Variants in BTC observed in about 807,000 individuals in gnomAD.
The protein encoded by BTC is probetacellulin.
Under a neutral mutation model 18.1 loss-of-function variants are expected in BTC, and 13 were observed. The observed-to-expected ratio is 0.72, with a 90% confidence interval of 0.47 to 1.14. The LOEUF (loss-of-function observed/expected upper bound fraction) is 1.14, where lower values mean the gene tolerates loss of function less well. BTC is among the 50% of genes most tolerant of loss of function. BTC has a pLI of 0.00. For missense variants in BTC, 247 were observed against 224.2 expected (o/e 1.10, Z -0.65); for synonymous variants, 83 against 79.4 (o/e 1.05, Z -0.24).
At chr4:74,779,828 C>T (rs1725271543) in intron 1 of BTC, among the ~76,000 whole-genome samples, 2 of 151,998 alleles carry the variant, frequency 1.3e-5, no homozygotes. Flanking sequence ...AACTTAGCAT[C>T]GAATTTGTTA....
At chr4:74,768,510 A>G (rs1294776107) in intron 2 of BTC, among the ~76,000 whole-genome samples, 4 of 152,166 alleles carry the variant, frequency 2.6e-5, no homozygotes, top group Non-Finnish European at 5.9e-5. Flanking sequence ...TCACAGAAAG[A>G]CAAATATAAT....
intron 2 of BTC, among the ~76,000 whole-genome samples, chr4:74,769,449 G>A (rs2109899260): frequency 6.6e-6 from 1 of 152,206 alleles, no homozygotes; most frequent in African/African-American, 2.4e-5. Context: ...TGCTTTCACA[G>A]TACAGTGGCA....
chr4:74,791,423 G>A (rs1725623901), intron 1 of BTC, among the ~76,000 whole-genome samples: 1 of 152,166 alleles, frequency 6.6e-6, no homozygotes, highest in African/African-American at 2.4e-5. Context: ...CATTTTTTGA[G>A]AAAGTAAGAT....
intron 2 of BTC, among the ~76,000 whole-genome samples, chr4:74,765,355 T>C (rs1724873363): frequency 6.6e-6 from 1 of 151,950 alleles, no homozygotes; most frequent in Non-Finnish European, 1.5e-5. Context: ...ATTCAACAGA[T>C]GGCTTCAACA....
chr4:74,772,380 C>T (rs1015732652), intron 1 of BTC, among the ~76,000 whole-genome samples: 3 of 152,134 alleles, frequency 2.0e-5, no homozygotes, highest in Non-Finnish European at 1.5e-5. Context: ...AACAAACAAT[C>T]ATTTAGGGCT....
intron 2 of BTC, among the ~76,000 whole-genome samples, chr4:74,757,863 A>G (rs2109886273): frequency 6.6e-6 from 1 of 152,320 alleles, no homozygotes; most frequent in African/African-American, 2.4e-5. Context: ...CTCATCTGTA[A>G]GATAGACATG....
intron 1 of BTC, among the ~76,000 whole-genome samples, chr4:74,779,330 A>G (rs1233577870): frequency 1.3e-5 from 2 of 152,216 alleles, no homozygotes; most frequent in Non-Finnish European, 2.9e-5. Context: ...TGTCTTTGCC[A>G]GTAAATCAAC....
chr4:74,746,067 T>C lies in BTC; in HGVS notation c.*610A>G, dbSNP rs1218771956. The C allele has an allele frequency of 6.6e-6, 1 of 152,200 alleles. No homozygotes were observed. Among genetic ancestry groups the C allele is most frequent in the Non-Finnish European group, 1.5e-5 (1 of 68,028 alleles). 9.4% of individuals were successfully genotyped at this position (152,200 alleles called of 1,614,324 possible). A position where few individuals can be genotyped will look rare whatever the true frequency, so the allele number is the denominator to read the frequency against. On this transcript the variant is annotated 3_prime_UTR_variant, in exon 6 of 6. Coordinates refer to ENST00000395743, the MANE Select transcript of BTC (RefSeq NM_001729.4). ...TTCAGTATAAAACCTTGGGTTATATTATTGAGTTAGGTTGCACCGATTCAG... is the reference window on the plus strand; with the variant it reads ...TTCAGTATAAAACCTTGGGTTATATCATTGAGTTAGGTTGCACCGATTCAG...
intron 2 of BTC, among the ~76,000 whole-genome samples, chr4:74,768,793 G>A (rs1405248307): frequency 6.6e-6 from 1 of 152,092 alleles, no homozygotes; most frequent in African/African-American, 2.4e-5. Context: ...TGATGATGAG[G>A]AAGATTTTTG....
chr4:74,748,747 A>G (rs782027811), intron 4 of BTC, among the ~76,000 whole-genome samples: 4 of 152,244 alleles, frequency 2.6e-5, no homozygotes, highest in Non-Finnish European at 5.9e-5. Context: ...CACGTAGTGT[A>G]AAAGAAACAG....
intron 3 of BTC, among the ~76,000 whole-genome samples, chr4:74,751,558 C>T (rs1256435833): frequency 6.6e-6 from 1 of 152,150 alleles, no homozygotes; most frequent in African/African-American, 2.4e-5. Context: ...CTCATTCTCT[C>T]AGCTTTCTGT....
At chr4:74,790,380 T>A (rs1725590533) in intron 1 of BTC, among the ~76,000 whole-genome samples, 2 of 152,154 alleles carry the variant, frequency 1.3e-5, no homozygotes, top group Non-Finnish European at 2.9e-5. Context: ...CTTTTACAGG[T>A]GAGTAAACTG....
chr4:74,753,404 G>T (rs1045931971), intron 3 of BTC, among the ~76,000 whole-genome samples: 7 of 152,182 alleles, frequency 4.6e-5, no homozygotes, highest in Non-Finnish European at 1.0e-4. Flanking sequence ...ATTCAAACAG[G>T]CAGTCTGGCT....
At chr4:74,779,060 G>T (rs1434267860) in intron 1 of BTC, among the ~76,000 whole-genome samples, 2 of 151,810 alleles carry the variant, frequency 1.3e-5, no homozygotes, top group Non-Finnish European at 2.9e-5. Flanking sequence ...AAAAGAAGAG[G>T]GTCTTTACAA....
intron 1 of BTC, among the ~76,000 whole-genome samples, chr4:74,774,961 T>C (rs1725139569): frequency 6.6e-6 from 1 of 151,964 alleles, no homozygotes; most frequent in East Asian, 1.9e-4. Context: ...AGATCAAATA[T>C]GAAAGACCTG....
intron 1 of BTC, among the ~76,000 whole-genome samples, chr4:74,773,462 G>C (rs1725096910): frequency 6.6e-6 from 1 of 152,100 alleles, no homozygotes; most frequent in Admixed American, 6.6e-5. Flanking sequence ...GCTATAAAGA[G>C]AAAGGACACT....
At chr4:74,750,054 C>T (rs546535662) in intron 4 of BTC, among the ~76,000 whole-genome samples, 2 of 152,052 alleles carry the variant, frequency 1.3e-5, no homozygotes, top group Non-Finnish European at 2.9e-5. Flanking sequence ...TATGTTTACA[C>T]CACTGCCCTC....
At chr4:74,758,580 T>C (rs1437269586) in intron 2 of BTC, among the ~76,000 whole-genome samples, 1 of 152,178 alleles carries the variant, frequency 6.6e-6, no homozygotes, top group Non-Finnish European at 1.5e-5. Flanking sequence ...CATTTGGCTA[T>C]GTATCCTAAA....
intron 2 of BTC, 63 bp from the exon 3 acceptor site, chr4:74,756,039 C>A (rs1553956688): frequency 7.2e-5 from 95 of 1,327,782 alleles, no homozygotes; most frequent in Non-Finnish European, 1.3e-5. Context: ...TAAATAGAAT[C>A]ATATTCTTAT....
Sources: gnomAD v4.1 joint callset for allele counts (sites outside exome capture counted in the v4.1 genomes callset) on GRCh38, gnomAD v4.1.1 for gene constraint, MANE v1.5 for transcripts, NCBI Gene and HGNC (gene_info 2026-07-23, HGNC 2026-07-21) for gene names.